The following ZBTB46 variants were observed in gnomAD, a reference collection of about 807,000 sequenced individuals.
ZBTB46 encodes zinc finger and BTB domain-containing protein 46.
A neutral mutation model predicts 44.1 loss-of-function variants in ZBTB46; 8 were observed. The observed-to-expected ratio is 0.18, with a 90% CI of 0.11 to 0.33. The LOEUF (loss-of-function observed/expected upper bound fraction) is 0.33, where lower values mean the gene tolerates loss of function less well. Ranked by LOEUF, ZBTB46 falls within the 10% of genes least tolerant of loss-of-function variation. The probability of loss-of-function intolerance (pLI) is 1.00; values close to 1 mark genes in which losing one functional copy is unlikely to be tolerated. For missense variants in ZBTB46, 651 were observed against 847.7 expected, an observed-to-expected ratio of 0.77 and a Z score of 2.88; for synonymous variants, 409 against 382.3, an observed-to-expected ratio of 1.07 and a Z score of -0.81.
intron 2 of ZBTB46, among the ~76,000 whole-genome samples, chr20:63,783,936 G>A (rs1465808527): frequency 6.6e-6 from 1 of 152,200 alleles, no homozygotes; most frequent in Non-Finnish European, 1.5e-5. Context: ...AGGAGGCCAG[G>A]TGGGGGAACC....
At chr20:63,816,001 GGTGGGCA>G (rs1568902502) in intron 1 of ZBTB46, among the ~76,000 whole-genome samples, 28 of 147,358 alleles carry the variant, frequency 1.9e-4, no homozygotes, top group African/African-American at 7.2e-4. Flanking sequence ...AGTGGGCACA[GGTGGGCA>G]CAGGTGCAGT....
At chr20:63,768,636 C>A (rs1325982918) in intron 3 of ZBTB46, among the ~76,000 whole-genome samples, 2 of 152,004 alleles carry the variant, frequency 1.3e-5, no homozygotes, top group Non-Finnish European at 2.9e-5. Context: ...TGGTTGAGCT[C>A]TTGTTAAAGA....
chr20:63,827,359 G>A (rs1193758061), intron 1 of ZBTB46, among the ~76,000 whole-genome samples: 1 of 152,148 alleles, frequency 6.6e-6, no homozygotes, highest in Non-Finnish European at 1.5e-5. Flanking sequence ...TGTAATCCCA[G>A]CACTTTGGGA....
At chr20:63,779,805 C>G (rs2092454764) in intron 2 of ZBTB46, among the ~76,000 whole-genome samples, 1 of 151,906 alleles carries the variant, frequency 6.6e-6, no homozygotes, top group Non-Finnish European at 1.5e-5. Context: ...GGTGATCTGC[C>G]CACCTCAGAC....
In ZBTB46 at chr20:63,752,959, C is replaced by T. The variant is rs2092184312; in HGVS notation, c.1223-98G>A. 5 of 1,358,828 alleles carry T rather than the reference C, an allele frequency of 3.7e-6. No homozygotes were observed. The highest frequency in any genetic ancestry group is 1.5e-5 in the South Asian group (1 of 68,888). 84.2% of individuals were successfully genotyped at this position (1,358,828 alleles called of 1,614,324 possible). A position where few individuals can be genotyped will look rare whatever the true frequency, so the allele number is the denominator to read the frequency against. ...GCACGCCGCAGCCCAGCAGCCAGGA[C>T]GGGCTGTCTCCCACGGCCACCCACT... On this transcript the variant is annotated intron_variant, in intron 3 of 4. Transcript: ENST00000245663. This position sits in a 1 kb window ranked among gnomAD's most constrained non-coding sequence, Gnocchi z 5.6.
At chr20:63,782,096 A>AAAAAAAG (rs1386082316) in intron 2 of ZBTB46, among the ~76,000 whole-genome samples, 37 of 124,926 alleles carry the variant, frequency 3.0e-4, no homozygotes, top group African/African-American at 7.3e-4. Context: ...CAAAAAAAAA[A>AAAAAAAG]AAAAGAAAAG....
chr20:63,794,751 C>G (rs948716532), intron 1 of ZBTB46, among the ~76,000 whole-genome samples: 1 of 152,182 alleles, frequency 6.6e-6, no homozygotes, highest in African/African-American at 2.4e-5. Context: ...AGCTCACAAC[C>G]CGTATTCTGT....
chr20:63,789,719 C>A, intron 2 of ZBTB46, 102 bp downstream of exon 2: 1 of 1,497,258 alleles, frequency 6.7e-7, no homozygotes, highest in Non-Finnish European at 8.9e-7. Context: ...AGAAAGCCAC[C>A]AGTGTGAGCC....
intron 2 of ZBTB46, among the ~76,000 whole-genome samples, chr20:63,784,044 G>A (rs571944106): frequency 1.5e-4 from 23 of 152,300 alleles, no homozygotes; most frequent in African/African-American, 5.1e-4. Context: ...CCCTGCCCTC[G>A]TGTGATCAGG....
At position 63,743,904 on chromosome 20, in the gene ZBTB46, T is replaced by C. The variant is rs1372611230; in HGVS notation, c.*3026A>G. ...GACACATCTCCAATACAAACACAGG[T>C]TTATAATAAGTAATAGGAAGTCAAT... is the stretch of plus-strand genomic sequence containing the variant. On this transcript the variant is annotated 3_prime_UTR_variant, in exon 5 of 5. Transcript: ENST00000245663. 1 of 152,042 alleles carries C rather than the reference T, an allele frequency of 6.6e-6. No homozygotes were observed. Among genetic ancestry groups the C allele is most frequent in the Admixed American group, 6.6e-5 (1 of 15,236 alleles). The allele number at this position is 152,042 out of a possible 1,614,324, so 9.4% of individuals were successfully genotyped here.
chr20:63,803,227 T>C lies in ZBTB46; in HGVS notation c.-33-12437A>G. The C allele has an allele frequency of 1.2e-6, 1 of 868,716 alleles. No individual in the cohort carries two copies. Among genetic ancestry groups the C allele is most frequent in the Non-Finnish European group, 1.4e-6 (1 of 723,792 alleles). 53.8% of individuals were successfully genotyped at this position (868,716 alleles called of 1,614,324 possible). A position where few individuals can be genotyped will look rare whatever the true frequency, so the allele number is the denominator to read the frequency against. On this transcript the variant is annotated intron_variant, in intron 1 of 4. Transcript: ENST00000245663. This position sits in a 1 kb window ranked among gnomAD's most constrained non-coding sequence, Gnocchi z 4.0. ...GCCTCACCAGCAGGAACCAGGCACC[T>C]CCCCTCACACCAAGGCGTTCATGGT...
intron 1 of ZBTB46, among the ~76,000 whole-genome samples, chr20:63,808,340 G>A (rs1379572507): frequency 1.3e-5 from 2 of 152,234 alleles, no homozygotes; most frequent in East Asian, 3.9e-4. Context: ...TGCCCCGGGG[G>A]CTGAGCGCAG....
At chr20:63,754,891 G>A (rs766156974) in intron 3 of ZBTB46, among the ~76,000 whole-genome samples, 3 of 152,140 alleles carry the variant, frequency 2.0e-5, no homozygotes, top group African/African-American at 7.2e-5. Context: ...GAGCCACCGC[G>A]CCTGGCCAAA....
Position 63,815,961 on chromosome 20 carries a change from AGTGGGTG to A in ZBTB46, c.-34+15129_-34+15135del, listed in dbSNP as rs1176199523. Among the ~76,000 whole-genome samples, 639 of 101,308 alleles carry A rather than the reference AGTGGGTG, an allele frequency of 6.3e-3. 7 individuals are homozygous for A. Among genetic ancestry groups the A allele is most frequent in the African/African-American group, 0.023 (510 of 22,200 alleles). The allele number at this position is 101,308 out of a possible 152,430, so 66.5% of individuals were successfully genotyped here. A position where few individuals can be genotyped will look rare whatever the true frequency, so the allele number is the denominator to read the frequency against. On this transcript the variant is annotated intron_variant, in intron 1 of 4. Transcript: ENST00000245663. ...GTGCAGGTACAGTGGGCACAGGTGC[AGTGGGTG>A]CAGGTACAGTGGGCGCAGGTGCAGT...
At chr20:63,774,217 C>T (rs1341041403) in intron 3 of ZBTB46, among the ~76,000 whole-genome samples, 2 of 151,994 alleles carry the variant, frequency 1.3e-5, no homozygotes, top group Non-Finnish European at 2.9e-5. Context: ...ACTGAGTACA[C>T]GGAATAAAGG....
At chr20:63,806,275 C>T (rs558863169) in intron 1 of ZBTB46, among the ~76,000 whole-genome samples, 2 of 150,732 alleles carry the variant, frequency 1.3e-5, no homozygotes, top group East Asian at 4.0e-4. Flanking sequence ...GGCATGGTGA[C>T]GGGTGCCTGT....
chr20:63,768,034 C>T (rs1568844777), intron 3 of ZBTB46: 1 of 985,446 alleles, frequency 1.0e-6, no homozygotes, highest in East Asian at 1.1e-4. Flanking sequence ...ATAAAAGCAG[C>T]AAGACTTCTA....
At chr20:63,762,086 T>A (rs1050993294) in intron 3 of ZBTB46, among the ~76,000 whole-genome samples, 7 of 152,182 alleles carry the variant, frequency 4.6e-5, no homozygotes, top group African/African-American at 1.4e-4. Context: ...ACAGCCAGTA[T>A]CTCTATGAAC....
Position 63,747,178 on chromosome 20 carries a change from C to T in ZBTB46, c.1522G>A (p.Gly508Ser), listed in dbSNP as rs376393528. ...HGVCTDCAGR[G>S]MAGPLDHGGG... ...CCATGGTCCAGGGGCCCGGCCATGC[C>T]GCGGCCAGCACAGTCGGTGCACACA... The change falls in exon 5 of 5, where the codon GGC (glycine) becomes AGC (serine). Residue 508 changes from glycine (G) to serine (S), a missense_variant. This residue lies in a region of ZBTB46 where 75 missense variants were observed against 107.8 expected (regional missense o/e 0.70). Transcript: ENST00000245663. 171 of 1,608,882 alleles carry T rather than the reference C, an allele frequency of 1.1e-4. No homozygotes were observed. Among genetic ancestry groups the T allele is most frequent in the Non-Finnish European group, 1.3e-4 (148 of 1,178,342 alleles).
Sources: allele counts gnomAD v4.1 joint callset (sites outside exome capture counted in the v4.1 genomes callset), GRCh38; gene constraint gnomAD v4.1.1; regional missense constraint gnomAD v4.1.1; non-coding constraint Gnocchi (gnomAD v3.1); transcripts MANE v1.5; gene names NCBI Gene and HGNC (gene_info 2026-07-23, HGNC 2026-07-21).